USP6: variants seen among roughly 807,000 people sequenced by gnomAD.
The protein encoded by USP6 is ubiquitin specific peptidase 6, also known as ubiquitin carboxyl-terminal hydrolase 6.
A neutral mutation model predicts 175.7 loss-of-function variants in USP6; 128 were observed. The observed-to-expected ratio is 0.73, with a 90% CI of 0.63 to 0.84. The LOEUF (loss-of-function observed/expected upper bound fraction) is 0.84. USP6 is among the 40% of genes least tolerant of loss of function. The pLI, the probability that USP6 is intolerant of heterozygous loss-of-function variation, is 0.00. For missense variants in USP6, 1,498 were observed against 1,760.3 expected, an observed-to-expected ratio of 0.85 and a Z score of 2.67; for synonymous variants, 562 against 630.6, an observed-to-expected ratio of 0.89 and a Z score of 1.63.
chr17:5,150,865 C>A (rs1393678747), intron 30 of USP6, among the ~76,000 whole-genome samples: 3 of 152,126 alleles, frequency 2.0e-5, no homozygotes, highest in Non-Finnish European at 2.9e-5. Context: ...GGGGCTTCCT[C>A]CAAAGGTTCT....
At chr17:5,126,159 A>G (rs2072888545) in intron 6 of USP6, among the ~76,000 whole-genome samples, 1 of 151,610 alleles carries the variant, frequency 6.6e-6, no homozygotes, top group Non-Finnish European at 1.5e-5. Context: ...TCCGTAGACC[A>G]TGCTTCAGTC....
At chr17:5,141,567 A>T (rs1247413715) in intron 23 of USP6, 68 bp downstream of exon 23, 1 of 1,397,310 alleles carries the variant, frequency 7.2e-7, no homozygotes, top group Admixed American at 2.6e-5. Context: ...TTCAACTATT[A>T]AAGTGCTAAC....
Position 5,141,473 on chromosome 17 carries a change from A to G in USP6, c.1547A>G (p.Asn516Ser). 6.2e-7 allele frequency: 1 copy of G among 1,608,302 alleles called. No homozygotes were observed. The highest frequency in any genetic ancestry group is 8.5e-7 in the Non-Finnish European group (1 of 1,177,642). The change falls in exon 23 of 38, where the codon AAT (asparagine) becomes AGT (serine). Residue 516 changes from asparagine to serine, a missense_variant. Around this residue, in one of 2 missense-constraint regions of USP6, gnomAD observed 1,217 missense variants for 1,500.8 expected, o/e 0.81. Coordinates refer to ENST00000574788, the MANE Select transcript of USP6 (RefSeq NM_001304284.2). ...CCTGAGGAGATGTCTTTTACAGCAA[A>G]TAGTAGTAAAATAGATAGACAAAAG... ...SWPEEMSFTANSSKIDRQKVP... is the reference protein window; with the variant it reads ...SWPEEMSFTASSSKIDRQKVP...
At position 5,116,072 on chromosome 17, in the gene USP6, C is replaced by T. The variant is rs944017772; in HGVS notation, c.-2596C>T. Among the ~76,000 whole-genome samples the T allele has an allele frequency of 2.0e-5, 3 of 152,216 alleles. No homozygotes were observed. The highest frequency in any genetic ancestry group is 7.2e-5 in the African/African-American group (3 of 41,466). ...CGGCGGGACGGGCGGGCCCCGACGCCCAGCTCCAAATGCGTGGCCGCTGTG... is the reference window on the plus strand; with the variant it reads ...CGGCGGGACGGGCGGGCCCCGACGCTCAGCTCCAAATGCGTGGCCGCTGTG... On this transcript the variant is annotated 5_prime_UTR_variant, in exon 1 of 38. Transcript: ENST00000574788.
At chr17:5,134,096 C>CA (rs2073174010) in intron 15 of USP6, 100 bp downstream of exon 15, 1 of 1,296,958 alleles carries the variant, frequency 7.7e-7, no homozygotes, top group African/African-American at 1.5e-5. Flanking sequence ...GGAGGGATGA[C>CA]AGAGCTGCCA....
intron 17 of USP6, 26 bp downstream of exon 17, chr17:5,135,954 C>T (rs372483056): frequency 9.4e-6 from 15 of 1,597,370 alleles, no homozygotes; most frequent in Non-Finnish European, 1.2e-5. Flanking sequence ...CCCGTGGGGC[C>T]TCACGCAGCC....
At chr17:5,160,322 C>G (rs1182728706) in intron 31 of USP6, among the ~76,000 whole-genome samples, 2 of 152,172 alleles carry the variant, frequency 1.3e-5, no homozygotes, top group Non-Finnish European at 2.9e-5. Flanking sequence ...TAACCACTAT[C>G]ATTTGCCAGA....
intron 36 of USP6, among the ~76,000 whole-genome samples, chr17:5,171,355 A>G (rs948955493): frequency 6.6e-5 from 10 of 152,258 alleles, no homozygotes; most frequent in African/African-American, 1.2e-4. Flanking sequence ...AATAATAATA[A>G]TAATAGTAAT....
rs372161091 is a variant in USP6 at position 5,155,416 on chromosome 17, A to G, written c.2644-6A>G. On this transcript the variant is annotated splice_polypyrimidine_tract_variant and splice_region_variant and intron_variant, in intron 30 of 37. Transcript: ENST00000574788. ...CTCAACTCTCTATTCTCGTTTGTAC[A>G]TACAGATGAGGACAGAACTGTATTT... 2.5e-6 allele frequency: 4 copies of G among 1,613,038 alleles called. No individual in the cohort carries two copies. Among genetic ancestry groups the G allele is most frequent in the African/African-American group, 1.3e-5 (1 of 74,916 alleles).
intron 4 of USP6, among the ~76,000 whole-genome samples, chr17:5,122,516 C>T (rs1316325629): frequency 6.6e-6 from 1 of 152,224 alleles, no homozygotes; most frequent in Admixed American, 6.5e-5. Context: ...GCCCGGCGGT[C>T]CTCTTAGTTC....
At chr17:5,165,745 T>C (rs996171803) in intron 33 of USP6, among the ~76,000 whole-genome samples, 1 of 152,208 alleles carries the variant, frequency 6.6e-6, no homozygotes, top group Admixed American at 6.5e-5. Context: ...AGAGGGTTCC[T>C]ATAGGTAATT....
intron 25 of USP6, 84 bp from the exon 26 acceptor site, chr17:5,144,606 A>T: frequency 6.9e-7 from 1 of 1,451,948 alleles, no homozygotes; most frequent in East Asian, 2.3e-5. Flanking sequence ...TTTTCTTACA[A>T]TGGCTCTGAT....
chr17:5,118,578 G>T (rs1432140022), intron 2 of USP6, among the ~76,000 whole-genome samples: 1 of 152,248 alleles, frequency 6.6e-6, no homozygotes, highest in African/African-American at 2.4e-5. Context: ...ATTGCGTGGG[G>T]TGGCTACCTG....
rs199984838 is a variant in USP6, at chr17:5,130,702, C to T, written c.155+18C>T. ...ATTTTGCAGTGAGTCATCCTCTATG[C>T]TCCCCTCACCCCTAAAGCAGCTGTC... On this transcript the variant is annotated intron_variant, in intron 11 of 37. Coordinates refer to ENST00000574788, the MANE Select transcript of USP6 (RefSeq NM_001304284.2). 1.8e-3 allele frequency: 2,857 copies of T among 1,613,344 alleles called. 12 individuals are homozygous for T. Among genetic ancestry groups the T allele is most frequent in the Non-Finnish European group, 2.2e-3 (2,539 of 1,179,314 alleles).
In USP6 at chr17:5,144,694, C is replaced by G. The variant is rs762460597; in HGVS notation, c.1823C>G (p.Thr608Ser). Residue 608 changes from threonine (T) to serine (S), a missense_variant, in exon 26 of 38, where the codon ACC becomes AGC. Coordinates refer to ENST00000574788, the MANE Select transcript of USP6 (RefSeq NM_001304284.2). ...TGACTTCTCTTATATTTATAGCGGA[C>G]CATAGCAAAATATGCTCCCAAGTTT... ...KSVAPLKLRR[T>S]IAKYAPKFDG... 6.2e-7 allele frequency: 1 copy of G among 1,613,360 alleles called. No individual in the cohort carries two copies. Among genetic ancestry groups the G allele is most frequent in the Admixed American group, 1.7e-5 (1 of 59,862 alleles).
intron 15 of USP6, chr17:5,134,240 A>G: frequency 1.9e-6 from 1 of 516,204 alleles, no homozygotes; most frequent in Non-Finnish European, 3.5e-6. Context: ...AGCAAAGAAA[A>G]TCACACGCAA....
chr17:5,128,282 C>T (rs1219931065), intron 7 of USP6: 1 of 152,186 alleles, frequency 6.6e-6, no homozygotes, highest in African/African-American at 2.4e-5. Context: ...ACTTTCCGCA[C>T]ATGATCCTCT....
chr17:5,117,662 C>T (rs899111883), intron 1 of USP6, among the ~76,000 whole-genome samples: 6 of 152,048 alleles, frequency 3.9e-5, no homozygotes, highest in African/African-American at 1.5e-4. Context: ...AGGGGGATGG[C>T]ACTATCAGAT....
intron 25 of USP6, 22 bp downstream of exon 25, chr17:5,142,524 A>G (rs1305150880): frequency 1.9e-6 from 3 of 1,587,204 alleles, no homozygotes; most frequent in East Asian, 2.3e-5. Context: ...AAAATAATAT[A>G]AAAGTATTTA....
Sources: gnomAD v4.1 joint callset for allele counts (sites outside exome capture counted in the v4.1 genomes callset) on GRCh38, gnomAD v4.1.1 for gene constraint, gnomAD v4.1.1 regional missense constraint, MANE v1.5 for transcripts, NCBI Gene and HGNC (gene_info 2026-07-23, HGNC 2026-07-21) for gene names.